DOCK3: variants seen among roughly 807,000 people sequenced by gnomAD.
DOCK3 encodes dedicator of cytokinesis protein 3.
A neutral mutation model predicts 265.6 loss-of-function variants in DOCK3; 60 were observed. The ratio of observed to expected loss-of-function variants is 0.23; its 90% CI spans 0.18 to 0.28. DOCK3 has a LOEUF of 0.28. Among genes scored for constraint, DOCK3 ranks in the 10% least tolerant of loss-of-function variants. The pLI is 1.00. For missense variants in DOCK3, 1,981 were observed against 2,594.3 expected (o/e 0.76, Z 5.14); for synonymous variants, 881 against 938.0 (o/e 0.94, Z 1.11).
At chr3:51,271,373 C>G (rs1393153141) in intron 24 of DOCK3, among the ~76,000 whole-genome samples, 2 of 152,158 alleles carry the variant, frequency 1.3e-5, no homozygotes, top group Non-Finnish European at 2.9e-5. Flanking sequence ...GATTCAATGT[C>G]TGGTGAGGCC....
chr3:51,121,422 G>C (rs1198076715), intron 9 of DOCK3, among the ~76,000 whole-genome samples: 1 of 152,164 alleles, frequency 6.6e-6, no homozygotes, highest in Admixed American at 6.5e-5. Flanking sequence ...CTGCAGACTG[G>C]AGCTTTTCCT....
At chr3:51,242,917 A>G (rs1487473843) in intron 21 of DOCK3, among the ~76,000 whole-genome samples, 2 of 152,180 alleles carry the variant, frequency 1.3e-5, no homozygotes, top group African/African-American at 4.8e-5. Context: ...GGGGGCATGC[A>G]GGCTAGTGCG....
rs191504857 is a variant in DOCK3, at chr3:50,812,028, G to C, written c.122-29647G>C. On this transcript the variant is annotated intron_variant, in intron 2 of 52. Coordinates refer to ENST00000266037, the MANE Select transcript of DOCK3 (RefSeq NM_004947.5). Reference sequence around the variant, plus strand: ...CTAGCCTAAGATTCAGAATTTATGGGAAAGAGCATGGATGCCATAGGAACG... The same window carrying C: ...CTAGCCTAAGATTCAGAATTTATGGCAAAGAGCATGGATGCCATAGGAACG... Among the ~76,000 whole-genome samples, 108 of 152,306 alleles carry C rather than the reference G, an allele frequency of 7.1e-4. 3 individuals carry two copies. In the South Asian group the frequency reaches 0.022, roughly 31 times the overall value.
chr3:50,881,470 C>T (rs905369065), intron 3 of DOCK3, among the ~76,000 whole-genome samples: 3 of 152,106 alleles, frequency 2.0e-5, no homozygotes, highest in Admixed American at 1.3e-4. Context: ...TCCTGTACAC[C>T]AGTAACAGAC....
intron 5 of DOCK3, among the ~76,000 whole-genome samples, chr3:50,975,591 C>G (rs1331814239): frequency 2.0e-5 from 3 of 149,994 alleles, no homozygotes; most frequent in African/African-American, 7.3e-5. Flanking sequence ...AGGATATTGG[C>G]CTAAAATTCT....
rs567991877 is a variant in DOCK3, at chr3:51,187,417, G to C, written c.1038-21357G>C. On this transcript the variant is annotated intron_variant, in intron 12 of 52. Coordinates refer to ENST00000266037, the MANE Select transcript of DOCK3 (RefSeq NM_004947.5). ...TTGTGATTTTACAGACTCATAGGTG[G>C]AAGGGACTTGCTTTGGCAGAGATGA... 5.3e-5 allele frequency among the ~76,000 whole-genome samples: 8 copies of C among 152,342 alleles called. 1 individual carries two copies. Among genetic ancestry groups the C allele is most frequent in the Admixed American group, 3.9e-4 (6 of 15,302 alleles).
chr3:50,905,094 G>A (rs1484212659), intron 4 of DOCK3, among the ~76,000 whole-genome samples: 1 of 152,024 alleles, frequency 6.6e-6, no homozygotes, highest in Non-Finnish European at 1.5e-5. Flanking sequence ...TTATTTCTGA[G>A]GGCTCTGTTC....
At chr3:51,273,253 C>T (rs778134627) in intron 24 of DOCK3, among the ~76,000 whole-genome samples, 1 of 151,994 alleles carries the variant, frequency 6.6e-6, no homozygotes, top group Non-Finnish European at 1.5e-5. Context: ...TTTCTAATAT[C>T]TCTGCATGTA....
At chr3:50,973,998 C>A (rs933608212) in intron 5 of DOCK3, among the ~76,000 whole-genome samples, 1 of 148,560 alleles carries the variant, frequency 6.7e-6, no homozygotes, top group Non-Finnish European at 1.5e-5. Context: ...TTGTTTTTTT[C>A]TTGTAAATTT....
chr3:51,253,108 C>T (rs894262586), intron 22 of DOCK3, among the ~76,000 whole-genome samples: 3 of 152,312 alleles, frequency 2.0e-5, no homozygotes, highest in African/African-American at 4.8e-5. Flanking sequence ...TTTTCTGCAT[C>T]TATTGAGATA....
At chr3:50,904,360 C>T (rs1482016679) in intron 4 of DOCK3, among the ~76,000 whole-genome samples, 1 of 152,204 alleles carries the variant, frequency 6.6e-6, no homozygotes, top group Non-Finnish European at 1.5e-5. Context: ...AATGGTTGAA[C>T]TAGTTTACAG....
At chr3:50,978,090 T>C (rs2077536806) in intron 5 of DOCK3, among the ~76,000 whole-genome samples, 1 of 152,080 alleles carries the variant, frequency 6.6e-6, no homozygotes, top group South Asian at 2.1e-4. Context: ...TTGGTTTGAG[T>C]GTCCTCCCGT....
chr3:51,077,748 G>A (rs538722668), intron 7 of DOCK3, among the ~76,000 whole-genome samples: 2 of 152,258 alleles, frequency 1.3e-5, no homozygotes, highest in South Asian at 4.1e-4. Context: ...TTCTTTTCAC[G>A]TTTGGGATTC....
At chr3:51,231,351 A>G (rs1287389193) in intron 19 of DOCK3, among the ~76,000 whole-genome samples, 3 of 151,006 alleles carry the variant, frequency 2.0e-5, no homozygotes, top group African/African-American at 7.3e-5. Context: ...CTGGTCTCCA[A>G]CTCCTGACCT....
At chr3:51,369,242 A>C (rs879474466) in intron 49 of DOCK3, among the ~76,000 whole-genome samples, 4 of 152,248 alleles carry the variant, frequency 2.6e-5, no homozygotes, top group Admixed American at 1.3e-4. Flanking sequence ...TGACAAACTT[A>C]TCCGAGCTAA....
intron 4 of DOCK3, among the ~76,000 whole-genome samples, chr3:50,919,532 C>T (rs2050318462): frequency 1.3e-5 from 2 of 152,088 alleles, no homozygotes; most frequent in Non-Finnish European, 1.5e-5. Flanking sequence ...AATGGGAGTT[C>T]ACTCATGATT....
chr3:51,079,964 GTCT>G (rs978578041), intron 7 of DOCK3, among the ~76,000 whole-genome samples: 1 of 152,042 alleles, frequency 6.6e-6, no homozygotes, highest in Non-Finnish European at 1.5e-5. Context: ...TTTGCCTGTT[GTCT>G]TCTTGTGTCA....
At chr3:51,214,005 T>G (rs2108218065) in intron 13 of DOCK3, 117 bp from the exon 14 acceptor site, 2 of 1,403,020 alleles carry the variant, frequency 1.4e-6, no homozygotes, top group South Asian at 2.6e-5. Context: ...TAAAAGTTTT[T>G]CTCAAGAATT....
At chr3:50,743,025 G>A (rs1447530824) in intron 1 of DOCK3, among the ~76,000 whole-genome samples, 1 of 152,138 alleles carries the variant, frequency 6.6e-6, no homozygotes, top group East Asian at 1.9e-4. Context: ...AGAAGAGAGT[G>A]GAGGCCAATA....
Sources: allele counts gnomAD v4.1 joint callset (sites outside exome capture counted in the v4.1 genomes callset), GRCh38; gene constraint gnomAD v4.1.1; transcripts MANE v1.5; gene names NCBI Gene and HGNC (gene_info 2026-07-23, HGNC 2026-07-21).